Variants in DPH6 observed in about 807,000 individuals in gnomAD.
The protein encoded by DPH6 is diphthine--ammonia ligase.
A neutral mutation model predicts 38.2 loss-of-function variants in DPH6; 33 were observed. The ratio of observed to expected loss-of-function variants is 0.86; its 90% CI spans 0.65 to 1.15. DPH6 has a LOEUF of 1.15. Ranked by LOEUF, DPH6 falls within the 50% of genes most tolerant of loss-of-function variation. The pLI is 0.00. For synonymous variants in DPH6, 108 were observed against 103.0 expected (o/e 1.05, Z -0.30); for missense variants, 325 against 320.0 (o/e 1.02, Z -0.12).
At chr15:35,527,947 G>A (rs1241765868) in intron 3 of DPH6, among the ~76,000 whole-genome samples, 3 of 152,152 alleles carry the variant, frequency 2.0e-5, no homozygotes, top group East Asian at 3.8e-4. Context: ...AGAGACTGGA[G>A]AAAGACCAGA....
At chr15:35,362,827 T>C (rs1330883170) in intron 3 of DPH6, among the ~76,000 whole-genome samples, 1 of 152,198 alleles carries the variant, frequency 6.6e-6, no homozygotes, top group Non-Finnish European at 1.5e-5. Flanking sequence ...TGAGCTTGTC[T>C]GGGGTAGTGT....
At chr15:35,436,515 A>ACAAAC (rs2053716282) in intron 5 of DPH6, among the ~76,000 whole-genome samples, 1 of 117,232 alleles carries the variant, frequency 8.5e-6, no homozygotes, top group African/African-American at 3.4e-5. Flanking sequence ...AAAACAAAAC[A>ACAAAC]AAAAAGGTTC....
intron 7 of DPH6, among the ~76,000 whole-genome samples, chr15:35,381,570 T>C (rs1459647522): frequency 1.3e-5 from 2 of 152,206 alleles, no homozygotes; most frequent in African/African-American, 4.8e-5. Context: ...CCAGTTTTAC[T>C]GCAGGCCATA....
intron 2 of DPH6, among the ~76,000 whole-genome samples, chr15:35,539,535 A>T (rs922123223): frequency 6.6e-6 from 1 of 152,040 alleles, no homozygotes. Flanking sequence ...AGAGAATATG[A>T]ACTATCTCTC....
intron 6 of DPH6, among the ~76,000 whole-genome samples, chr15:35,397,962 A>C (rs190037149): frequency 6.6e-6 from 1 of 152,134 alleles, no homozygotes; most frequent in Non-Finnish European, 1.5e-5. Flanking sequence ...TCCTAGAAAA[A>C]AGCAAATTAG....
chr15:35,417,891 G>A (rs1234643624), intron 5 of DPH6, among the ~76,000 whole-genome samples: 3 of 151,724 alleles, frequency 2.0e-5, no homozygotes, highest in African/African-American at 7.3e-5. Context: ...CTTAATCTTT[G>A]TAATATCATC....
At chr15:35,210,584 A>T in the DPH6 span, among the ~76,000 whole-genome samples, 5 of 152,336 alleles carry the variant, frequency 3.3e-5, no homozygotes, top group Admixed American at 2.0e-4. Context: ...ATAGTGTATA[A>T]ACAGTCATGC....
intron 7 of DPH6, among the ~76,000 whole-genome samples, chr15:35,380,299 T>C (rs540045925): frequency 2.0e-5 from 3 of 152,324 alleles, no homozygotes; most frequent in Admixed American, 6.5e-5. Context: ...GCATGAGTAA[T>C]TCCCTTCATG....
chr15:35,378,809 G>A (rs192466261), intron 7 of DPH6, among the ~76,000 whole-genome samples: 4 of 151,040 alleles, frequency 2.6e-5, no homozygotes, highest in East Asian at 2.0e-4. Context: ...GGAACATCAT[G>A]CACCAGGGCC....
the DPH6 span, among the ~76,000 whole-genome samples, chr15:35,209,848 G>C: frequency 2.0e-5 from 3 of 152,190 alleles, no homozygotes; most frequent in South Asian, 6.2e-4. Flanking sequence ...AGTGCACTGA[G>C]ACTTGATATT....
At chr15:35,527,024 T>C (rs1005015840) in intron 3 of DPH6, among the ~76,000 whole-genome samples, 3 of 152,150 alleles carry the variant, frequency 2.0e-5, no homozygotes, top group Non-Finnish European at 4.4e-5. Flanking sequence ...ATCCAATCTA[T>C]AATATAAATT....
intron 3 of DPH6, among the ~76,000 whole-genome samples, chr15:35,471,812 T>C (rs1172922569): frequency 1.3e-5 from 2 of 148,948 alleles, no homozygotes; most frequent in African/African-American, 5.1e-5. Flanking sequence ...TTTCTTGATA[T>C]ACTTTACACA....
intron 3 of DPH6, among the ~76,000 whole-genome samples, chr15:35,485,484 T>C (rs2054385132): frequency 6.6e-6 from 1 of 152,204 alleles, no homozygotes; most frequent in African/African-American, 2.4e-5. Context: ...TCAGCATGGA[T>C]TATCTTCTGA....
intron 6 of DPH6, among the ~76,000 whole-genome samples, chr15:35,385,121 G>C (rs1238425418): frequency 1.3e-5 from 2 of 152,210 alleles, no homozygotes. Flanking sequence ...GGAAACAACA[G>C]ATGCTGGAGA....
At chr15:35,436,473 AC>A (rs1566909167) in intron 5 of DPH6, among the ~76,000 whole-genome samples, 7 of 120,446 alleles carry the variant, frequency 5.8e-5, no homozygotes, top group African/African-American at 2.7e-4. Context: ...CTCAAACAAA[AC>A]AAACAAAAAC....
chr15:35,441,436 TAAAGAAA>T (rs1333226099), intron 5 of DPH6, among the ~76,000 whole-genome samples: 1 of 152,092 alleles, frequency 6.6e-6, no homozygotes. Context: ...ATAGACTGGA[TAAAGAAA>T]ATGTGGCACA....
intron 3 of DPH6, among the ~76,000 whole-genome samples, chr15:35,466,374 G>A (rs942901773): frequency 1.1e-4 from 17 of 152,052 alleles, no homozygotes; most frequent in South Asian, 8.3e-4. Flanking sequence ...ACACATTCAA[G>A]AAGTATTCAT....
intron 3 of DPH6, among the ~76,000 whole-genome samples, chr15:35,291,744 A>G (rs1169436724): frequency 6.6e-6 from 1 of 152,182 alleles, no homozygotes; most frequent in Non-Finnish European, 1.5e-5. Context: ...TTGTCTGCCT[A>G]TGAATGACTA....
chr15:35,359,658 A>G (rs1257529998), intron 3 of DPH6, among the ~76,000 whole-genome samples: 3 of 152,088 alleles, frequency 2.0e-5, no homozygotes, highest in Non-Finnish European at 4.4e-5. Flanking sequence ...CAGTGGGTGC[A>G]TGTTTGGGAG....
Sources: allele counts gnomAD v4.1 joint callset (sites outside exome capture counted in the v4.1 genomes callset), GRCh38; gene constraint gnomAD v4.1.1; transcripts MANE v1.5; gene names NCBI Gene and HGNC (gene_info 2026-07-23, HGNC 2026-07-21).